Variants in B3GALT1 observed in about 807,000 individuals in gnomAD.
B3GALT1 encodes UDP-Gal:betaGlcNAc beta 1,3-galactosyltransferase, polypeptide 1.
In B3GALT1, 10 loss-of-function variants were observed where a neutral mutation model predicts 23.2. That is an observed-to-expected ratio of 0.43 (90% CI 0.27 to 0.73). B3GALT1 has a LOEUF of 0.73. Ranked by LOEUF, B3GALT1 falls within the 30% of genes least tolerant of loss-of-function variation. The pLI, the probability that B3GALT1 is intolerant of heterozygous loss-of-function variation, is 0.21. For synonymous variants in B3GALT1, 156 were observed against 141.5 expected, an observed-to-expected ratio of 1.10 and a Z score of -0.73; for missense variants, 299 against 405.4, an observed-to-expected ratio of 0.74 and a Z score of 2.25.
intron 4 of B3GALT1, among the ~76,000 whole-genome samples, chr2:167,828,982 T>A (rs1034751842): frequency 6.6e-6 from 1 of 152,198 alleles, no homozygotes; most frequent in Non-Finnish European, 1.5e-5. Flanking sequence ...ACAATCTGTG[T>A]ACTATAACAG....
At chr2:167,424,917 C>A (rs1006114729) in intron 1 of B3GALT1, among the ~76,000 whole-genome samples, 2 of 152,116 alleles carry the variant, frequency 1.3e-5, no homozygotes, top group African/African-American at 4.8e-5. Context: ...ATTTTTTTCC[C>A]CATCATTTCG....
chr2:167,714,674 C>T (rs1687116590), intron 3 of B3GALT1: 5 of 1,613,856 alleles, frequency 3.1e-6, no homozygotes, highest in Middle Eastern at 1.7e-4. Flanking sequence ...AGCTGCCAAC[C>T]AATTATTATG....
At chr2:167,812,720 G>T (rs1487739752) in intron 3 of B3GALT1, among the ~76,000 whole-genome samples, 1 of 152,076 alleles carries the variant, frequency 6.6e-6, no homozygotes, top group Non-Finnish European at 1.5e-5. Context: ...TTGCTGAATT[G>T]TTGAAAGACT....
chr2:167,358,608 T>G (rs1697453327), intron 1 of B3GALT1, among the ~76,000 whole-genome samples: 1 of 143,288 alleles, frequency 7.0e-6, no homozygotes, highest in African/African-American at 2.5e-5. Flanking sequence ...TAGTCAAATC[T>G]TGTACTCATC....
At chr2:167,418,114 G>A (rs1559090476) in intron 1 of B3GALT1, among the ~76,000 whole-genome samples, 1 of 152,176 alleles carries the variant, frequency 6.6e-6, no homozygotes, top group African/African-American at 2.4e-5. Flanking sequence ...TCATGGCCAT[G>A]TTATGCTCCT....
chr2:167,602,414 A>C (rs928350515), intron 2 of B3GALT1, among the ~76,000 whole-genome samples: 2 of 152,186 alleles, frequency 1.3e-5, no homozygotes, highest in Non-Finnish European at 2.9e-5. Flanking sequence ...TAGGGGAACT[A>C]AAACCACTTT....
At chr2:167,765,454 G>T (rs1247993763) in intron 3 of B3GALT1, among the ~76,000 whole-genome samples, 1 of 152,176 alleles carries the variant, frequency 6.6e-6, no homozygotes, top group Non-Finnish European at 1.5e-5. Context: ...GTCAAGGTTG[G>T]TTGGAGCAAA....
Position 167,823,264 on chromosome 2 carries a change from T to TCC in B3GALT1, c.-230+4471_-230+4472insCC, listed in dbSNP as rs1366300609. On this transcript the variant is annotated intron_variant, in intron 4 of 4. Transcript: ENST00000392690. ...GCTTAGAAATTTAGGGCTTATTTGTTACAGCTGCTGGTGTGGACCTAACAG... is the reference window on the plus strand; with the variant it reads ...GCTTAGAAATTTAGGGCTTATTTGTTCCACAGCTGCTGGTGTGGACCTAACAG... Among the ~76,000 whole-genome samples, 7 of 152,340 alleles carry TCC rather than the reference T, an allele frequency of 4.6e-5. No individual in the cohort carries two copies. The East Asian group carries it at 1.4e-3, about 29-fold the overall frequency.
intron 1 of B3GALT1, among the ~76,000 whole-genome samples, chr2:167,450,941 G>A (rs115915166): frequency 6.6e-6 from 1 of 151,696 alleles, no homozygotes. Context: ...CGGAAACTTT[G>A]TCTTTGAGCT....
rs569495285 is a variant in B3GALT1 at position 167,776,789 on chromosome 2, G to A, written c.-351-41883G>A. On this transcript the variant is annotated intron_variant, in intron 3 of 4. Transcript: ENST00000392690. ...GGCAAATCTGAATTCAATCATAAGAGACTTGAGAATAAGATTTAGAAAAAC... is the reference window on the plus strand; with the variant it reads ...GGCAAATCTGAATTCAATCATAAGAAACTTGAGAATAAGATTTAGAAAAAC... Among the ~76,000 whole-genome samples, 3 of 152,138 alleles carry A rather than the reference G, an allele frequency of 2.0e-5. No individual in the cohort carries two copies. The South Asian group carries it at 6.2e-4, about 31-fold the overall frequency.
intron 2 of B3GALT1, among the ~76,000 whole-genome samples, chr2:167,598,467 G>A (rs1374360670): frequency 6.6e-6 from 1 of 152,122 alleles, no homozygotes; most frequent in East Asian, 1.9e-4. Context: ...ATCAGGTGCT[G>A]TGCAGAATTT....
intron 1 of B3GALT1, among the ~76,000 whole-genome samples, chr2:167,381,429 G>A (rs1341347306): frequency 6.6e-6 from 1 of 152,174 alleles, no homozygotes; most frequent in African/African-American, 2.4e-5. Flanking sequence ...ATCAAAACCA[G>A]TAATTTTCAA....
At chr2:167,343,560 G>A (rs1014257866) in intron 1 of B3GALT1, among the ~76,000 whole-genome samples, 4 of 152,004 alleles carry the variant, frequency 2.6e-5, no homozygotes, top group Admixed American at 1.3e-4. Context: ...TATGATTATG[G>A]GGAAAGAAAA....
chr2:167,595,162 G>A (rs1684754914), intron 2 of B3GALT1, among the ~76,000 whole-genome samples: 1 of 152,092 alleles, frequency 6.6e-6, no homozygotes, highest in Non-Finnish European at 1.5e-5. Context: ...CACTTTGCAG[G>A]GACATTAGGA....
intron 1 of B3GALT1, among the ~76,000 whole-genome samples, chr2:167,448,120 T>C (rs6744271): frequency 0.017 from 2,649 of 152,294 alleles, 83 homozygotes; most frequent in African/African-American, 0.061. Context: ...AATGACTTCT[T>C]TCCTCTGGGT....
intron 3 of B3GALT1, among the ~76,000 whole-genome samples, chr2:167,686,403 T>A (rs1686616615): frequency 6.6e-6 from 1 of 152,232 alleles, no homozygotes; most frequent in Admixed American, 6.5e-5. Context: ...CAATGCTTAT[T>A]CATTCACGTG....
chr2:167,840,959 G>C (rs202068039), intron 4 of B3GALT1, among the ~76,000 whole-genome samples: 4 of 147,076 alleles, frequency 2.7e-5, no homozygotes, highest in African/African-American at 1.0e-4. Flanking sequence ...CTCACTCATA[G>C]GTGGGAATTG....
intron 3 of B3GALT1, among the ~76,000 whole-genome samples, chr2:167,691,902 G>A (rs529613182): frequency 5.3e-5 from 8 of 152,216 alleles, no homozygotes; most frequent in East Asian, 3.9e-4. Flanking sequence ...CATATTACTC[G>A]TACATAAAGT....
intron 2 of B3GALT1, among the ~76,000 whole-genome samples, chr2:167,498,031 A>G (rs1267872628): frequency 6.6e-6 from 1 of 152,166 alleles, no homozygotes; most frequent in Non-Finnish European, 1.5e-5. Flanking sequence ...GTTAGGCTTC[A>G]TACTTAAGGT....
Sources: gnomAD v4.1 joint callset for allele counts (sites outside exome capture counted in the v4.1 genomes callset) on GRCh38, gnomAD v4.1.1 for gene constraint, MANE v1.5 for transcripts, NCBI Gene and HGNC (gene_info 2026-07-23, HGNC 2026-07-21) for gene names.